Variants in DLG2 observed in about 807,000 individuals in gnomAD.
The protein encoded by DLG2 is discs large MAGUK scaffold protein 2.
Under a neutral mutation model 132.5 loss-of-function variants are expected in DLG2, and 45 were observed. The ratio of observed to expected loss-of-function variants is 0.34; its 90% CI spans 0.27 to 0.44. The LOEUF is 0.44. Among genes scored for constraint, DLG2 ranks in the 20% least tolerant of loss-of-function variants. DLG2 has a pLI of 1.00. For synonymous variants in DLG2, 424 were observed against 419.6 expected, an observed-to-expected ratio of 1.01 and a Z score of -0.13; for missense variants, 1,045 against 1,196.9, an observed-to-expected ratio of 0.87 and a Z score of 1.87.
intron 7 of DLG2, among the ~76,000 whole-genome samples, chr11:84,398,512 A>AT (rs779492249): frequency 6.6e-6 from 1 of 152,164 alleles, no homozygotes; most frequent in Non-Finnish European, 1.5e-5. Context: ...AAGAATGAGT[A>AT]TTTTTTAAGA....
intron 18 of DLG2, among the ~76,000 whole-genome samples, chr11:83,732,274 C>T (rs1262177757): frequency 6.6e-6 from 1 of 152,084 alleles, no homozygotes; most frequent in Non-Finnish European, 1.5e-5. Context: ...AACATACAAT[C>T]TCAAGGGTGG....
chr11:84,095,168 T>C (rs374399133), intron 10 of DLG2, among the ~76,000 whole-genome samples: 3 of 151,378 alleles, frequency 2.0e-5, no homozygotes, highest in African/African-American at 7.3e-5. Context: ...GGAAAGGGGA[T>C]AGAGAAGAAA....
intron 7 of DLG2, among the ~76,000 whole-genome samples, chr11:84,284,907 A>G (rs2097893549): frequency 6.6e-6 from 1 of 152,204 alleles, no homozygotes; most frequent in Non-Finnish European, 1.5e-5. Context: ...AAGGACACCA[A>G]AGGTTTCTTA....
intron 3 of DLG2, among the ~76,000 whole-genome samples, chr11:85,434,263 C>T (rs765830932): frequency 4.6e-5 from 7 of 151,918 alleles, no homozygotes; most frequent in Admixed American, 1.3e-4. Context: ...GTTAAAAGAA[C>T]TAGAGAAGCA....
chr11:84,515,697 C>G (rs182673808), intron 7 of DLG2, among the ~76,000 whole-genome samples: 18 of 151,862 alleles, frequency 1.2e-4, no homozygotes, highest in African/African-American at 4.3e-4. Flanking sequence ...AAAATCAGCA[C>G]GGGAACATTG....
rs561568670 is a variant in DLG2 at position 85,622,608 on chromosome 11, A to G, written c.-93+3979T>C. On this transcript the variant is annotated intron_variant, in intron 2 of 27. Transcript: ENST00000376104. ...GGGAAAAAATAAGCAGGAGAGTCAT[A>G]AGGTCCTCTTCCCCAGAGGAAAAAA... is the stretch of plus-strand genomic sequence containing the variant. Among the ~76,000 whole-genome samples, 19 of 151,360 alleles carry G rather than the reference A, an allele frequency of 1.3e-4. No individual in the cohort carries two copies. The South Asian group carries it at 1.7e-3, about 14-fold the overall frequency.
At chr11:84,231,046 G>A (rs573710885) in intron 8 of DLG2, among the ~76,000 whole-genome samples, 7 of 152,236 alleles carry the variant, frequency 4.6e-5, no homozygotes, top group South Asian at 4.1e-4. Flanking sequence ...ACACACTAGC[G>A]TCTCTCAGCT....
Position 85,079,022 on chromosome 11 carries a change from AGG to A in DLG2, c.357+32637_357+32638del, listed in dbSNP as rs11321504. Among the ~76,000 whole-genome samples, 816 of 150,152 alleles carry A rather than the reference AGG, an allele frequency of 5.4e-3. 2 individuals are homozygous for A. Among genetic ancestry groups the A allele is most frequent in the Non-Finnish European group, 7.6e-3 (514 of 67,384 alleles). On this transcript the variant is annotated intron_variant, in intron 6 of 27. Coordinates refer to ENST00000376104, the MANE Select transcript of DLG2 (RefSeq NM_001142699.3). ...GCAAAAGCTTTCTTTTATGTGTTTT[AGG>A]GGGGGGGTCTGAGACATCAATCAAT...
At chr11:84,611,049 A>ACACG (rs2099594692) in intron 6 of DLG2, among the ~76,000 whole-genome samples, 1 of 151,474 alleles carries the variant, frequency 6.6e-6, no homozygotes, top group African/African-American at 2.4e-5. Flanking sequence ...ACACACACAC[A>ACACG]CACACACACA....
intron 6 of DLG2, among the ~76,000 whole-genome samples, chr11:84,602,060 G>C (rs180796288): frequency 6.6e-6 from 1 of 151,968 alleles, no homozygotes; most frequent in African/African-American, 2.4e-5. Context: ...CTCAGATTCA[G>C]ACATTCATTC....
At chr11:85,323,405 G>A (rs1185781752) in intron 3 of DLG2, among the ~76,000 whole-genome samples, 1 of 152,056 alleles carries the variant, frequency 6.6e-6, no homozygotes, top group Non-Finnish European at 1.5e-5. Context: ...TGTTTATGGG[G>A]CACATATGTT....
intron 8 of DLG2, among the ~76,000 whole-genome samples, chr11:84,188,494 A>G (rs1293126026): frequency 6.6e-6 from 1 of 152,174 alleles, no homozygotes; most frequent in Admixed American, 6.5e-5. Context: ...TAATAAATGT[A>G]TGGAGTTGAG....
At chr11:83,661,609 G>A (rs2074290403) in intron 18 of DLG2, among the ~76,000 whole-genome samples, 1 of 151,928 alleles carries the variant, frequency 6.6e-6, no homozygotes, top group African/African-American at 2.4e-5. Context: ...TGCCACTTAT[G>A]ACTCTAATAG....
intron 18 of DLG2, among the ~76,000 whole-genome samples, chr11:83,636,424 C>T (rs1386006776): frequency 6.6e-6 from 1 of 152,094 alleles, no homozygotes; most frequent in East Asian, 1.9e-4. Flanking sequence ...GCTCCAGGTA[C>T]TGAAATTGTC....
intron 6 of DLG2, among the ~76,000 whole-genome samples, chr11:84,565,227 G>C (rs1017703200): frequency 2.6e-5 from 4 of 152,170 alleles, no homozygotes; most frequent in African/African-American, 9.7e-5. Context: ...GTCTCAGTCA[G>C]TACTGCGCAC....
chr11:84,267,423 C>A (rs1412537451), intron 7 of DLG2, among the ~76,000 whole-genome samples: 1 of 152,180 alleles, frequency 6.6e-6, no homozygotes, highest in East Asian at 1.9e-4. Flanking sequence ...CTCAGCTGAT[C>A]TGTTTATCTT....
At chr11:83,704,509 C>G (rs986406097) in intron 18 of DLG2, among the ~76,000 whole-genome samples, 1 of 151,064 alleles carries the variant, frequency 6.6e-6, no homozygotes, top group Non-Finnish European at 1.5e-5. Flanking sequence ...CTGGTTTTTT[C>G]TTTTTTTAAA....
chr11:84,269,847 C>A (rs965202530), intron 7 of DLG2, among the ~76,000 whole-genome samples: 2 of 152,096 alleles, frequency 1.3e-5, no homozygotes, highest in East Asian at 1.9e-4. Flanking sequence ...ATAAGGAAAA[C>A]CAAATTTGTA....
intron 7 of DLG2, among the ~76,000 whole-genome samples, chr11:84,318,270 A>G (rs2098380312): frequency 6.6e-6 from 1 of 152,240 alleles, no homozygotes; most frequent in Non-Finnish European, 1.5e-5. Context: ...TTTTCAGTGA[A>G]GTGAAAGGCT....
Sources: gnomAD v4.1 joint callset for allele counts (sites outside exome capture counted in the v4.1 genomes callset) on GRCh38, gnomAD v4.1.1 for gene constraint, MANE v1.5 for transcripts, NCBI Gene and HGNC (gene_info 2026-07-23, HGNC 2026-07-21) for gene names.